The following VCF1 variants were observed in gnomAD, a reference collection of about 807,000 sequenced individuals.
VCF1 encodes the protein protein VCF1.
the VCF1 span, among the ~76,000 whole-genome samples, chr17:73,220,970 C>G: frequency 8.6e-4 from 121 of 140,396 alleles, 9 homozygotes; most frequent in African/African-American, 3.2e-3. Flanking sequence ...GCAATCTCAG[C>G]TCACTGCAAC....
chr17:73,222,785 A>G, the VCF1 span, among the ~76,000 whole-genome samples: 1 of 105,540 alleles, frequency 9.5e-6, no homozygotes, highest in Non-Finnish European at 2.1e-5. Context: ...TCAAAAAAAA[A>G]AAAAAAGAAA....
chr17:73,229,251 CCT>C, the VCF1 span: 1 of 985,428 alleles, frequency 1.0e-6, no homozygotes, highest in South Asian at 4.7e-5. Context: ...TCTTCATTTG[CCT>C]TTTTCTAGGC....
chr17:73,220,894 ATTTTTT>A, the VCF1 span, among the ~76,000 whole-genome samples: 1 of 96,668 alleles, frequency 1.0e-5, no homozygotes, highest in Non-Finnish European at 2.0e-5. Flanking sequence ...TTTAATTTAG[ATTTTTT>A]TTTTTTTTTT....
the VCF1 span, chr17:73,208,219 G>T: frequency 6.2e-7 from 1 of 1,601,632 alleles, no homozygotes. Context: ...CCGCTTGTGT[G>T]TGCCGTGTGG....
chr17:73,209,487 A>G, the VCF1 span: 4 of 1,553,230 alleles, frequency 2.6e-6, no homozygotes, highest in South Asian at 3.6e-5. Flanking sequence ...TCAAATCTGC[A>G]CAGCGCTGTC....
chr17:73,226,659 A>G, the VCF1 span, among the ~76,000 whole-genome samples: 3 of 152,220 alleles, frequency 2.0e-5, no homozygotes, highest in African/African-American at 7.2e-5. Context: ...AAGTTCCAGA[A>G]CACCCAACTC....
chr17:73,229,511 G>GGAAT, the VCF1 span: 1 of 985,322 alleles, frequency 1.0e-6, no homozygotes, highest in Non-Finnish European at 1.2e-6. Context: ...CCATCACGTT[G>GGAAT]CATTATTTCA....
the VCF1 span, chr17:73,227,655 T>C: frequency 4.1e-6 from 4 of 986,638 alleles, no homozygotes; most frequent in Non-Finnish European, 4.8e-6. Flanking sequence ...CTCCCTTCCA[T>C]ATGACAACAT....
At chr17:73,208,236 A>T in the VCF1 span, 2 of 1,607,098 alleles carry the variant, frequency 1.2e-6, no homozygotes, top group Admixed American at 1.7e-5. Flanking sequence ...GTGGACTCCG[A>T]GTGGCGTCGC....
At chr17:73,210,668 T>G in the VCF1 span, among the ~76,000 whole-genome samples, 1 of 152,022 alleles carries the variant, frequency 6.6e-6, no homozygotes, top group African/African-American at 2.4e-5. Flanking sequence ...TCAAGCTCAC[T>G]GCAGCCTCAA....
chr17:73,230,611 G>A, the VCF1 span, among the ~76,000 whole-genome samples: 1 of 152,142 alleles, frequency 6.6e-6, no homozygotes, highest in Non-Finnish European at 1.5e-5. Context: ...TGGCCAGAGT[G>A]ATCTCCAACT....
At chr17:73,224,939 G>GGA in the VCF1 span, among the ~76,000 whole-genome samples, 38 of 149,556 alleles carry the variant, frequency 2.5e-4, no homozygotes, top group Non-Finnish European at 4.2e-4. Flanking sequence ...GGACAGCACA[G>GGA]CACAGCACAG....
chr17:73,230,404 C>A, the VCF1 span, among the ~76,000 whole-genome samples: 1 of 112,662 alleles, frequency 8.9e-6, no homozygotes, highest in Non-Finnish European at 2.0e-5. Flanking sequence ...GCCTGAAAAC[C>A]CTTTTTTTTT....
At chr17:73,212,984 G>A in the VCF1 span, among the ~76,000 whole-genome samples, 3 of 151,950 alleles carry the variant, frequency 2.0e-5, no homozygotes, top group South Asian at 2.1e-4. Context: ...GGTGGTTCAC[G>A]CCTGTAATGC....
chr17:73,221,872 A>C, the VCF1 span, among the ~76,000 whole-genome samples: 1 of 151,988 alleles, frequency 6.6e-6, no homozygotes, highest in South Asian at 2.1e-4. Context: ...CGTCTCTACT[A>C]AAAGTACAAA....
the VCF1 span, chr17:73,229,265 C>T: frequency 3.0e-5 from 30 of 985,308 alleles, no homozygotes; most frequent in Non-Finnish European, 3.4e-5. Context: ...TTTCTAGGCT[C>T]TTAGCAGATC....
chr17:73,212,513 C>G, the VCF1 span, among the ~76,000 whole-genome samples: 1 of 152,136 alleles, frequency 6.6e-6, no homozygotes, highest in Non-Finnish European at 1.5e-5. Flanking sequence ...TTGCAGCCAG[C>G]TGCAACTGTA....
At chr17:73,220,774 T>A in the VCF1 span, among the ~76,000 whole-genome samples, 1 of 151,134 alleles carries the variant, frequency 6.6e-6, no homozygotes, top group African/African-American at 2.5e-5. Flanking sequence ...TCACTCTCTA[T>A]CTGATATTAC....
chr17:73,222,764 G>A, the VCF1 span, among the ~76,000 whole-genome samples: 2 of 139,568 alleles, frequency 1.4e-5, no homozygotes, highest in South Asian at 4.6e-4. Context: ...GTGACAGAGC[G>A]AAACTCTGTC....
Sources: gnomAD v4.1 joint callset for allele counts (sites outside exome capture counted in the v4.1 genomes callset) on GRCh38, gnomAD v4.1.1 for gene constraint, MANE v1.5 for transcripts, NCBI Gene and HGNC (gene_info 2026-07-23, HGNC 2026-07-21) for gene names.